Variants in HMBOX1 observed in about 807,000 individuals in gnomAD.
HMBOX1 encodes the protein homeobox-containing protein 1.
HMBOX1 carries 14 observed loss-of-function variants against 54.5 expected under a neutral mutation model. The ratio of observed to expected loss-of-function variants is 0.26; its 90% CI spans 0.17 to 0.40. The LOEUF (loss-of-function observed/expected upper bound fraction) is 0.40. Among genes scored for constraint, HMBOX1 ranks in the 10% least tolerant of loss-of-function variants. HMBOX1 has a pLI of 1.00. For synonymous variants in HMBOX1, 160 were observed against 181.0 expected, an observed-to-expected ratio of 0.88 and a Z score of 0.93; for missense variants, 332 against 514.4, an observed-to-expected ratio of 0.65 and a Z score of 3.43.
chr8:29,039,497 A>G (rs1318811626), intron 6 of HMBOX1, among the ~76,000 whole-genome samples: 5 of 152,210 alleles, frequency 3.3e-5, no homozygotes, highest in Non-Finnish European at 7.4e-5. Flanking sequence ...GGTTTTACCA[A>G]AAGTCTTAAC....
At chr8:29,015,373 C>T (rs1002048232) in intron 5 of HMBOX1, among the ~76,000 whole-genome samples, 1 of 152,158 alleles carries the variant, frequency 6.6e-6, no homozygotes, top group Non-Finnish European at 1.5e-5. Flanking sequence ...CAAGGGTCAG[C>T]CCCTGGACAA....
chr8:29,000,344 G>A (rs922175120), intron 4 of HMBOX1, among the ~76,000 whole-genome samples: 14 of 152,254 alleles, frequency 9.2e-5, no homozygotes, highest in East Asian at 1.9e-4. Context: ...GAGCCTTCAC[G>A]GGTCTTTCCT....
intron 1 of HMBOX1, among the ~76,000 whole-genome samples, chr8:28,929,145 A>G (rs991204647): frequency 3.9e-5 from 6 of 152,208 alleles, no homozygotes; most frequent in African/African-American, 1.2e-4. Flanking sequence ...TTATGCCCCA[A>G]TAAAGTTTTG....
intron 1 of HMBOX1, among the ~76,000 whole-genome samples, chr8:28,957,988 TA>T (rs548756029): frequency 7.5e-4 from 114 of 152,310 alleles, no homozygotes; most frequent in African/African-American, 2.7e-3. Context: ...TAGTTATTCA[TA>T]AATATTGGGA....
intron 4 of HMBOX1, among the ~76,000 whole-genome samples, chr8:29,004,292 T>C (rs78826417): frequency 0.033 from 5,025 of 152,248 alleles, 267 homozygotes; most frequent in African/African-American, 0.12. Context: ...CCAAAGGAAT[T>C]CTGAGGGTTA....
At chr8:28,940,801 A>G (rs899471285) in intron 1 of HMBOX1, among the ~76,000 whole-genome samples, 11 of 152,334 alleles carry the variant, frequency 7.2e-5, no homozygotes, top group Admixed American at 3.9e-4. Context: ...GTGAGCATCA[A>G]ATGAGAAAAG....
intron 5 of HMBOX1, chr8:29,009,991 G>T: frequency 1.0e-6 from 1 of 984,298 alleles, no homozygotes; most frequent in Non-Finnish European, 1.2e-6. Context: ...TTGAAATATT[G>T]CATAATAATA....
In HMBOX1 at chr8:29,051,898, T is replaced by A. The variant is rs1437724384; in HGVS notation, c.*743T>A. 17 of 131,968 alleles carry A rather than the reference T, an allele frequency of 1.3e-4. No homozygotes were observed. The highest frequency in any genetic ancestry group is 3.4e-4 in the Admixed American group (4 of 11,938). 8.2% of individuals were successfully genotyped at this position (131,968 alleles called of 1,614,324 possible). On this transcript the variant is annotated 3_prime_UTR_variant, in exon 10 of 10. Coordinates refer to ENST00000287701, the MANE Select transcript of HMBOX1 (RefSeq NM_001135726.3). ...AACAAAGACAAAAACCAAAAGTCAT[T>A]AAAAAAAAAAAAAAAAAAAACCCAG...
intron 1 of HMBOX1, among the ~76,000 whole-genome samples, chr8:28,904,167 GT>G (rs779859493): frequency 1.3e-4 from 19 of 145,968 alleles, no homozygotes; most frequent in African/African-American, 3.3e-4. Context: ...ATGATTTCCA[GT>G]TTTTTTTTTA....
chr8:28,906,059 T>C (rs1814270442), intron 1 of HMBOX1, among the ~76,000 whole-genome samples: 1 of 152,212 alleles, frequency 6.6e-6, no homozygotes, highest in Non-Finnish European at 1.5e-5. Context: ...AATCAGAGAT[T>C]AATCAGAGAG....
chr8:28,912,881 C>G (rs1182335404), intron 1 of HMBOX1, among the ~76,000 whole-genome samples: 1 of 152,072 alleles, frequency 6.6e-6, no homozygotes, highest in African/African-American at 2.4e-5. Flanking sequence ...TCAAAGATGC[C>G]TTTTTATGCT....
chr8:28,896,497 A>G (rs963191151), intron 1 of HMBOX1, among the ~76,000 whole-genome samples: 42 of 148,958 alleles, frequency 2.8e-4, no homozygotes, highest in African/African-American at 1.0e-3. Flanking sequence ...GCTAAGGAGA[A>G]AGATAACCAA....
At chr8:29,018,464 A>G (rs1216194394) in intron 5 of HMBOX1, among the ~76,000 whole-genome samples, 1 of 152,230 alleles carries the variant, frequency 6.6e-6, no homozygotes, top group Admixed American at 6.5e-5. Flanking sequence ...TCTTTAAAAA[A>G]GAAAAGAGTT....
intron 4 of HMBOX1, among the ~76,000 whole-genome samples, chr8:29,008,837 A>G (rs1283024129): frequency 1.3e-5 from 2 of 152,192 alleles, no homozygotes; most frequent in Admixed American, 1.3e-4. Context: ...TTTAGAGGCC[A>G]TTGTCGGGTC....
intron 1 of HMBOX1, among the ~76,000 whole-genome samples, chr8:28,901,269 G>C (rs1269966000): frequency 6.6e-6 from 1 of 151,812 alleles, no homozygotes; most frequent in Non-Finnish European, 1.5e-5. Flanking sequence ...TTTCTTCTGA[G>C]TTTTCCTTTT....
At chr8:29,001,249 T>C (rs927742391) in intron 4 of HMBOX1, among the ~76,000 whole-genome samples, 1 of 152,180 alleles carries the variant, frequency 6.6e-6, no homozygotes, top group Non-Finnish European at 1.5e-5. Flanking sequence ...CAAAGTTATA[T>C]TTAAAAATAA....
At chr8:29,009,791 A>T (rs1833996883) in intron 5 of HMBOX1, 1 of 1,272,014 alleles carries the variant, frequency 7.9e-7, no homozygotes, top group African/African-American at 1.6e-5. Flanking sequence ...AGTTGGAAGA[A>T]GTAGGCAAGA....
chr8:28,919,076 G>A (rs1490270739), intron 1 of HMBOX1, among the ~76,000 whole-genome samples: 1 of 152,230 alleles, frequency 6.6e-6, no homozygotes, highest in East Asian at 1.9e-4. Flanking sequence ...CAGTGTTCAT[G>A]TCATAAATTT....
At chr8:28,924,922 T>C (rs935214639) in intron 1 of HMBOX1, among the ~76,000 whole-genome samples, 2 of 151,482 alleles carry the variant, frequency 1.3e-5, no homozygotes, top group African/African-American at 2.4e-5. Flanking sequence ...TCTTTTTTTT[T>C]TTTTTTTTTC....
Sources: gnomAD v4.1 joint callset for allele counts (sites outside exome capture counted in the v4.1 genomes callset) on GRCh38, gnomAD v4.1.1 for gene constraint, MANE v1.5 for transcripts, NCBI Gene and HGNC (gene_info 2026-07-23, HGNC 2026-07-21) for gene names.